ATP13A3: variants seen among roughly 807,000 people sequenced by gnomAD.
ATP13A3 encodes the protein ATPase 13A3.
In ATP13A3, 59 loss-of-function variants were observed where a neutral mutation model predicts 158.1. The observed-to-expected ratio is 0.37, with a 90% confidence interval of 0.30 to 0.46. The LOEUF is 0.46. Among genes scored for constraint, ATP13A3 ranks in the 20% least tolerant of loss-of-function variants. ATP13A3 has a pLI of 1.00. For missense variants in ATP13A3, 1,166 were observed against 1,525.2 expected, an observed-to-expected ratio of 0.76 and a Z score of 3.92; for synonymous variants, 491 against 504.3, an observed-to-expected ratio of 0.97 and a Z score of 0.35.
chr3:194,466,356 T>A (rs1474314554), intron 2 of ATP13A3, among the ~76,000 whole-genome samples: 3 of 152,060 alleles, frequency 2.0e-5, no homozygotes, highest in Non-Finnish European at 4.4e-5. Context: ...CTCATCAAAA[T>A]GAAAGAAAAC....
chr3:194,428,274 G>T (rs912717660), intron 28 of ATP13A3, among the ~76,000 whole-genome samples: 2 of 151,034 alleles, frequency 1.3e-5, no homozygotes, highest in African/African-American at 4.9e-5. Context: ...TTTGTAACTA[G>T]CACCTTGTGA....
At chr3:194,476,893 G>C (rs1173064202) in intron 2 of ATP13A3, among the ~76,000 whole-genome samples, 1 of 152,034 alleles carries the variant, frequency 6.6e-6, no homozygotes, top group Non-Finnish European at 1.5e-5. Flanking sequence ...GAGGAACTGG[G>C]GCGGAAGGGA....
chr3:194,486,274 C>G (rs1306518719), intron 1 of ATP13A3, among the ~76,000 whole-genome samples: 1 of 152,132 alleles, frequency 6.6e-6, no homozygotes, highest in Non-Finnish European at 1.5e-5. Context: ...CCTCTGCCCA[C>G]AGGACCTCCA....
chr3:194,406,659 A>G (rs1418703872), intron 33 of ATP13A3, among the ~76,000 whole-genome samples: 1 of 152,216 alleles, frequency 6.6e-6, no homozygotes, highest in East Asian at 1.9e-4. Context: ...ATTCTGTCCC[A>G]AACTATCTTT....
In ATP13A3 at chr3:194,437,565, A is replaced by G; in HGVS notation, c.1836T>C (p.Phe612=). 1 of 1,608,036 alleles carries G rather than the reference A, an allele frequency of 6.2e-7. No individual in the cohort carries two copies. Among genetic ancestry groups the G allele is most frequent in the Non-Finnish European group, 8.5e-7 (1 of 1,176,532 alleles). The change falls in exon 18 of 34, where the codon TTT becomes TTC. Residue 612 remains phenylalanine, a synonymous_variant. Coordinates refer to ENST00000645319, the MANE Select transcript of ATP13A3 (RefSeq NM_001367549.1). ...AACATTCTTCACTTACTGGAAGTTC[A>G]AACAGCTCCTAAAAACGAAACAAAA... is the stretch of plus-strand genomic sequence containing the variant. The part of the protein sequence containing the change: ...TPAGNQEMEL[F]ELPATYEIGI...
chr3:194,432,088 G>T, intron 21 of ATP13A3, 196 bp from the exon 22 acceptor site: 1 of 481,042 alleles, frequency 2.1e-6, no homozygotes, highest in Non-Finnish European at 3.6e-6. Flanking sequence ...AATAACGCAA[G>T]CACGTTATAT....
intron 2 of ATP13A3, among the ~76,000 whole-genome samples, chr3:194,483,426 C>CAAAAAA (rs1228588078): frequency 7.5e-5 from 9 of 120,374 alleles, no homozygotes; most frequent in South Asian, 2.8e-4. Context: ...CCCACCTCTA[C>CAAAAAA]AAAAAAAAAA....
rs1464712995 is a variant in ATP13A3, at chr3:194,447,917, G to C, written c.1243C>G (p.Leu415Val). The stretch of plus-strand genomic sequence containing the variant: ...ATGCCAGCAACTGCCACAAGACATA[G>C]TAGAAACAAGTAGGCATCTCTGTAG... The part of the protein sequence containing the change: ...KLYRDAYLFL[L>V]CLVAVAGIGF... Residue 415 changes from leucine to valine, a missense_variant, in exon 13 of 34, where the codon CTA becomes GTA. Physicochemically the swap from Leu to Val is conservative, Grantham distance 32. This residue lies in a region of ATP13A3 where 997 missense variants were observed against 1,341.2 expected (regional missense o/e 0.74). Coordinates refer to ENST00000645319, the MANE Select transcript of ATP13A3 (RefSeq NM_001367549.1). 7 of 1,610,270 alleles carry C rather than the reference G, an allele frequency of 4.3e-6. No homozygotes were observed. The highest frequency in any genetic ancestry group is 3.3e-5 in the South Asian group (3 of 91,002).
intron 33 of ATP13A3, among the ~76,000 whole-genome samples, chr3:194,409,873 C>G (rs573496068): frequency 2.0e-5 from 3 of 151,464 alleles, no homozygotes; most frequent in Admixed American, 6.6e-5. Context: ...TCTTGAAGAG[C>G]CACAAACATT....
chr3:194,484,824 G>C (rs541066956), intron 2 of ATP13A3, among the ~76,000 whole-genome samples: 1 of 152,290 alleles, frequency 6.6e-6, no homozygotes, highest in African/African-American at 2.4e-5. Flanking sequence ...GGGAGGCCTA[G>C]GCAGGAAGAT....
intron 2 of ATP13A3, among the ~76,000 whole-genome samples, chr3:194,464,295 C>CA (rs2108990729): frequency 6.6e-6 from 1 of 152,282 alleles, no homozygotes; most frequent in South Asian, 2.1e-4. Context: ...ATACTGAACT[C>CA]AGTGCCATTG....
rs986018521 is a variant in ATP13A3, at chr3:194,433,313, G to A, written c.2245+459C>T. Among the ~76,000 whole-genome samples the A allele has an allele frequency of 5.6e-5, 8 of 141,762 alleles. No individual in the cohort carries two copies. In the East Asian group the frequency reaches 1.3e-3, roughly 22 times the overall value. 93.0% of individuals were successfully genotyped at this position (141,762 alleles called of 152,430 possible). On this transcript the variant is annotated intron_variant, in intron 21 of 33. Transcript: ENST00000645319. ...CTGCGGACTGCAGTGGCGCAATCTC[G>A]GCTCACTGCAAGCTCCGCTTCCCGG... is the stretch of plus-strand genomic sequence containing the variant.
chr3:194,417,396 G>GACACAT (rs1715930789), intron 31 of ATP13A3, among the ~76,000 whole-genome samples: 1 of 118,054 alleles, frequency 8.5e-6, no homozygotes. Flanking sequence ...GCCAGATTCT[G>GACACAT]ACACACACAC....
chr3:194,450,335 C>G, intron 10 of ATP13A3, 59 bp from the exon 11 acceptor site: 1 of 1,503,370 alleles, frequency 6.7e-7, no homozygotes, highest in Non-Finnish European at 9.1e-7. Context: ...TGGAAAAATA[C>G]AGCAAATGCT....
rs397972334 is a variant in ATP13A3 at position 194,421,944 on chromosome 3, C to CAAAAAAAAAAAAAAAAAAAAA, written c.3314-1978_3314-1977insTTTTTTTTTTTTTTTTTTTTT. ...TGGTTCTTGACATGTGTGTCGTTGG[C>CAAAAAAAAAAAAAAAAAAAAA]AAAAAAAAAAAAAAAAAATTTACTC... On this transcript the variant is annotated intron_variant, in intron 30 of 33. Transcript: ENST00000645319. Among the ~76,000 whole-genome samples, 29 of 97,466 alleles carry CAAAAAAAAAAAAAAAAAAAAA rather than the reference C, an allele frequency of 3.0e-4. 1 individual carries two copies. The highest frequency in any genetic ancestry group is 1.3e-3 in the African/African-American group (29 of 23,118). 63.9% of individuals were successfully genotyped at this position (97,466 alleles called of 152,430 possible).
chr3:194,488,192 C>T (rs1051684589), upstream of ATP13A3: 1 of 152,270 alleles, frequency 6.6e-6, no homozygotes. The surrounding 1 kb of genome is among the most constrained non-coding windows in gnomAD (Gnocchi z 4.1). Flanking sequence ...TTGTTTCATA[C>T]CTCACCGTTT....
At chr3:194,431,964 G>A (rs183955066) in intron 21 of ATP13A3, 72 bp from the exon 22 acceptor site, 3 of 1,243,642 alleles carry the variant, frequency 2.4e-6, no homozygotes, top group African/African-American at 3.1e-5. Flanking sequence ...TGTACTTGCT[G>A]AGAATCTACT....
chr3:194,434,351 T>A (rs972083107), intron 20 of ATP13A3, among the ~76,000 whole-genome samples: 1 of 152,184 alleles, frequency 6.6e-6, no homozygotes, highest in Non-Finnish European at 1.5e-5. Flanking sequence ...CCATTAGCAA[T>A]CCAACAATGA....
Position 194,405,735 on chromosome 3 carries a change from TAAC to T in ATP13A3, c.*181_*183del, listed in dbSNP as rs1347451379. On this transcript the variant is annotated 3_prime_UTR_variant, in exon 34 of 34. Transcript: ENST00000645319. ...GGACTTTATGGATTGATTGTTAATT[TAAC>T]TGTTAGGACGATATATTTTTCTGTT... The T allele has an allele frequency of 4.9e-6, 3 of 613,724 alleles. No homozygotes were observed. The highest frequency in any genetic ancestry group is 8.4e-6 in the Non-Finnish European group (3 of 358,922). 38.0% of individuals were successfully genotyped at this position (613,724 alleles called of 1,614,324 possible).
Sources: allele counts gnomAD v4.1 joint callset (sites outside exome capture counted in the v4.1 genomes callset), GRCh38; gene constraint gnomAD v4.1.1; regional missense constraint gnomAD v4.1.1; non-coding constraint Gnocchi (gnomAD v3.1); transcripts MANE v1.5; gene names NCBI Gene and HGNC (gene_info 2026-07-23, HGNC 2026-07-21).